The following KIRREL3 variants were observed in gnomAD, a reference collection of about 807,000 sequenced individuals.
KIRREL3 encodes the protein kin of IRRE-like protein 3.
In KIRREL3, 36 loss-of-function variants were observed where a neutral mutation model predicts 89.7. The observed-to-expected ratio is 0.40, with a 90% CI of 0.31 to 0.53. The LOEUF (loss-of-function observed/expected upper bound fraction) is 0.53, where lower values mean the gene tolerates loss of function less well. Ranked by LOEUF, KIRREL3 falls within the 20% of genes least tolerant of loss-of-function variation. KIRREL3 has a pLI of 0.49. For synonymous variants in KIRREL3, 445 were observed against 441.4 expected (o/e 1.01, Z -0.10); for missense variants, 864 against 1,056.6 (o/e 0.82, Z 2.53).
chr11:126,818,922 G>A (rs540265138), intron 1 of KIRREL3, among the ~76,000 whole-genome samples: 2 of 152,146 alleles, frequency 1.3e-5, no homozygotes, highest in South Asian at 2.1e-4. Context: ...AGCAGGGGAC[G>A]TATCCCCTAC....
intron 1 of KIRREL3, among the ~76,000 whole-genome samples, chr11:126,875,981 G>A (rs956858651): frequency 3.3e-5 from 5 of 152,324 alleles, no homozygotes; most frequent in African/African-American, 9.6e-5. Flanking sequence ...AGGTGAAACC[G>A]AAATTGAATC....
At position 126,446,792 on chromosome 11, in the gene KIRREL3, C is replaced by A. The variant is rs1443035406; in HGVS notation, c.1092G>T (p.Leu364=). The change falls in exon 9 of 17, where the codon CTG becomes CTT. Residue 364 remains leucine, a synonymous_variant. Transcript: ENST00000525144. ...FSCAWTGNPS[L]TIVWMKRGSG... is the part of the protein sequence containing the mutation. ...AGCCCCGCTTCATCCAGACGATGGT[C>A]AGGGATGGGTTGCCGGTCCAGGCGC... 1 of 1,602,604 alleles carries A rather than the reference C, an allele frequency of 6.2e-7. No homozygotes were observed. Among genetic ancestry groups the A allele is most frequent in the Admixed American group, 1.7e-5 (1 of 58,536 alleles).
Position 126,843,418 on chromosome 11 carries a change from C to T in KIRREL3, c.55+157037G>A, listed in dbSNP as rs1022769799. Among the ~76,000 whole-genome samples the T allele has an allele frequency of 1.3e-5, 2 of 152,096 alleles. No homozygotes were observed. Among genetic ancestry groups the T allele is most frequent in the Non-Finnish European group, 2.9e-5 (2 of 68,026 alleles). On this transcript the variant is annotated intron_variant, in intron 1 of 16. Coordinates refer to ENST00000525144, the MANE Select transcript of KIRREL3 (RefSeq NM_032531.4). This position sits in a 1 kb window ranked among gnomAD's most constrained non-coding sequence, Gnocchi z 4.6. ...GGAGGTTGGAGTGGGTGAGCTCACT[C>T]ACTCTGCCGTATATCCTACTGGGGA...
rs1467455079 is a variant in KIRREL3 at position 126,906,443 on chromosome 11, A to G, written c.55+94012T>C. On this transcript the variant is annotated intron_variant, in intron 1 of 16. Transcript: ENST00000525144. The surrounding 1 kb of genome is among the most constrained non-coding windows in gnomAD (Gnocchi z 4.1). Reference sequence around the variant, plus strand: ...AGTATTAGCAGCAAGGTTACTCCCAAAGAGACATGTTACAGCCCCTACCAG... The same window carrying G: ...AGTATTAGCAGCAAGGTTACTCCCAGAGAGACATGTTACAGCCCCTACCAG... Among the ~76,000 whole-genome samples the G allele has an allele frequency of 6.6e-6, 1 of 152,192 alleles. No individual in the cohort carries two copies. The highest frequency in any genetic ancestry group is 1.5e-5 in the Non-Finnish European group (1 of 68,026).
At chr11:126,478,116 G>A (rs529293460) in intron 4 of KIRREL3, among the ~76,000 whole-genome samples, 65 of 152,322 alleles carry the variant, frequency 4.3e-4, no homozygotes, top group African/African-American at 1.3e-3. Context: ...GCCCCACTGC[G>A]TCTCTGCTGC....
intron 1 of KIRREL3, among the ~76,000 whole-genome samples, chr11:126,833,959 CTT>C (rs1363386802): frequency 1.3e-5 from 2 of 152,226 alleles, no homozygotes; most frequent in African/African-American, 4.8e-5. Context: ...AGTTGACCAC[CTT>C]TTCTTGCAAC....
At chr11:126,597,426 G>A (rs1011972433) in intron 1 of KIRREL3, among the ~76,000 whole-genome samples, 5 of 152,256 alleles carry the variant, frequency 3.3e-5, no homozygotes, top group South Asian at 2.1e-4. Context: ...GGTCACTGAC[G>A]ACACCATCTT....
rs1167588943 is a variant in KIRREL3 at position 126,520,490 on chromosome 11, C to T, written c.433+825G>A. ...GCGGAGGTCATGTGCCTGAAAGAGC[C>T]TAGAGAGCTACGGTGAACTGCTTGG... On this transcript the variant is annotated intron_variant, in intron 4 of 16. Coordinates refer to ENST00000525144, the MANE Select transcript of KIRREL3 (RefSeq NM_032531.4). This position sits in a 1 kb window ranked among gnomAD's most constrained non-coding sequence, Gnocchi z 4.9. Among the ~76,000 whole-genome samples, 4 of 152,286 alleles carry T rather than the reference C, an allele frequency of 2.6e-5. No individual in the cohort carries two copies. The highest frequency in any genetic ancestry group is 5.9e-5 in the Non-Finnish European group (4 of 68,020).
chr11:126,597,249 G>A (rs756012194), intron 1 of KIRREL3, among the ~76,000 whole-genome samples: 2 of 152,202 alleles, frequency 1.3e-5, no homozygotes, highest in African/African-American at 2.4e-5. Context: ...GCCAGAGCCC[G>A]CCTGTCACTC....
rs565403296 is a variant in KIRREL3 at position 126,647,918 on chromosome 11, T to A, written c.56-85006A>T. ...GCCTCGTTGTTACACTTTGACTTAA[T>A]CTTCACTCTTCCTTTTGCTTGCTTA... is the stretch of plus-strand genomic sequence containing the variant. On this transcript the variant is annotated intron_variant, in intron 1 of 16. Transcript: ENST00000525144. This position sits in a 1 kb window ranked among gnomAD's most constrained non-coding sequence, Gnocchi z 4.9. Among the ~76,000 whole-genome samples, 1 of 152,202 alleles carries A rather than the reference T, an allele frequency of 6.6e-6. No homozygotes were observed. The highest frequency in any genetic ancestry group is 2.4e-5 in the African/African-American group (1 of 41,460).
chr11:126,781,903 A>C (rs948122534), intron 1 of KIRREL3, among the ~76,000 whole-genome samples: 9 of 152,170 alleles, frequency 5.9e-5, no homozygotes, highest in Non-Finnish European at 1.2e-4. Context: ...GTTGCTGAAA[A>C]TTTCCCTAAA....
chr11:126,469,233 C>T (rs942108835), intron 5 of KIRREL3, among the ~76,000 whole-genome samples: 1 of 152,250 alleles, frequency 6.6e-6, no homozygotes, highest in African/African-American at 2.4e-5. Flanking sequence ...AATCATCCAC[C>T]ATGTGACAGC....
rs1311945186 is a variant in KIRREL3, at chr11:126,943,793, C to T, written c.55+56662G>A. On this transcript the variant is annotated intron_variant, in intron 1 of 16. Coordinates refer to ENST00000525144, the MANE Select transcript of KIRREL3 (RefSeq NM_032531.4). The surrounding 1 kb of genome is among the most constrained non-coding windows in gnomAD (Gnocchi z 4.2). ...ATGCCCCCTGAGTTTTAGAGATACCCTATTTGAATGAGAGAAAACAAAGTG... is the reference window on the plus strand; with the variant it reads ...ATGCCCCCTGAGTTTTAGAGATACCTTATTTGAATGAGAGAAAACAAAGTG... Among the ~76,000 whole-genome samples the T allele has an allele frequency of 6.6e-6, 1 of 152,142 alleles. No individual in the cohort carries two copies. The highest frequency in any genetic ancestry group is 1.5e-5 in the Non-Finnish European group (1 of 68,036).
intron 1 of KIRREL3, among the ~76,000 whole-genome samples, chr11:126,650,309 A>G (rs921076111): frequency 7.2e-5 from 11 of 152,222 alleles, no homozygotes; most frequent in African/African-American, 2.4e-4. Context: ...TTCTGCAGCC[A>G]GCTTGTATTT....
At chr11:126,648,581 T>C (rs911393083) in intron 1 of KIRREL3, among the ~76,000 whole-genome samples, 2 of 152,264 alleles carry the variant, frequency 1.3e-5, no homozygotes, top group African/African-American at 4.8e-5. Flanking sequence ...TTTGTTCATT[T>C]CATGTCTCCT....
chr11:126,445,033 C>T lies in KIRREL3; in HGVS notation c.1198G>A (p.Ala400Thr). 6.2e-7 allele frequency: 1 copy of T among 1,613,986 alleles called. No homozygotes were observed. The highest frequency in any genetic ancestry group is 8.5e-7 in the Non-Finnish European group (1 of 1,179,898). ...CCGGCTCCCACACGGGGCACCACAG[C>T]CCGGCACACGTACTTGCCCGCGTCC... ...QEDAGKYVCR[A>T]VVPRVGAGER... Residue 400 changes from alanine to threonine, a missense_variant, in exon 10 of 17, where the codon GCT (alanine) becomes ACT (threonine). By Grantham distance (58) the Ala-to-Thr change is moderately conservative. Coordinates refer to ENST00000525144, the MANE Select transcript of KIRREL3 (RefSeq NM_032531.4).
At chr11:126,425,965 A>C (rs1253668675) in intron 15 of KIRREL3, among the ~76,000 whole-genome samples, 1 of 152,244 alleles carries the variant, frequency 6.6e-6, no homozygotes, top group African/African-American at 2.4e-5. Flanking sequence ...GGCGAGGGGC[A>C]GGTATCCGAG....
At chr11:126,529,024 G>A (rs1420385908) in intron 2 of KIRREL3, among the ~76,000 whole-genome samples, 1 of 152,220 alleles carries the variant, frequency 6.6e-6, no homozygotes, top group Non-Finnish European at 1.5e-5. Context: ...AGGTTGTCAG[G>A]TGGACGTGGA....
At chr11:126,934,861 C>A (rs922101311) in intron 1 of KIRREL3, 3 of 152,102 alleles carry the variant, frequency 2.0e-5, no homozygotes, top group Non-Finnish European at 2.9e-5. Flanking sequence ...GACATCGAGG[C>A]TATCCTGGCT....
Sources: gnomAD v4.1 joint callset for allele counts (sites outside exome capture counted in the v4.1 genomes callset) on GRCh38, gnomAD v4.1.1 for gene constraint, Gnocchi (gnomAD v3.1) non-coding constraint, MANE v1.5 for transcripts, NCBI Gene and HGNC (gene_info 2026-07-23, HGNC 2026-07-21) for gene names.